Variants in ABCA1 observed in about 807,000 individuals in gnomAD.
ABCA1 encodes the protein ATP binding cassette subfamily A member 1, also known as phospholipid-transporting ATPase ABCA1.
Under a neutral mutation model 262.5 loss-of-function variants are expected in ABCA1, and 133 were observed. That is an observed-to-expected ratio of 0.51 (90% confidence interval 0.44 to 0.59). The LOEUF (loss-of-function observed/expected upper bound fraction) is 0.59, where lower values mean the gene tolerates loss of function less well. Ranked by LOEUF, ABCA1 falls within the 20% of genes least tolerant of loss-of-function variation. ABCA1 has a pLI of 0.00. For synonymous variants in ABCA1, 1,022 were observed against 1,043.5 expected (o/e 0.98, Z 0.40); for missense variants, 2,452 against 2,777.5 (o/e 0.88, Z 2.63).
chr9:104,846,785 C>T (rs976664687), intron 7 of ABCA1, among the ~76,000 whole-genome samples: 12 of 152,160 alleles, frequency 7.9e-5, no homozygotes, highest in African/African-American at 2.2e-4. Flanking sequence ...GGGACCTACG[C>T]GGTCTCCCTT....
chr9:104,925,826 G>C (rs989925669), intron 1 of ABCA1, among the ~76,000 whole-genome samples: 1 of 152,048 alleles, frequency 6.6e-6, no homozygotes, highest in African/African-American at 2.4e-5. Flanking sequence ...CTCTGATTTA[G>C]GAGAAAGTTT....
intron 5 of ABCA1, among the ~76,000 whole-genome samples, chr9:104,871,464 CA>C (rs1487689595): frequency 6.6e-6 from 1 of 152,152 alleles, no homozygotes; most frequent in Non-Finnish European, 1.5e-5. Context: ...AGAGCCAGTG[CA>C]GCCCCAGAGG....
chr9:104,894,248 G>A (rs545774872), intron 2 of ABCA1, among the ~76,000 whole-genome samples: 1 of 152,274 alleles, frequency 6.6e-6, no homozygotes, highest in East Asian at 1.9e-4. Context: ...TTATGTTCCT[G>A]GATATCTCTG....
chr9:104,904,491 T>C (rs2575877), intron 1 of ABCA1, among the ~76,000 whole-genome samples: 94,297 of 150,240 alleles, frequency 0.63, 30,611 homozygotes, highest in East Asian at 0.82. Context: ...TCGCTGAACC[T>C]GGCAGGCGGA....
At chr9:104,894,595 A>G (rs1235969880) in intron 2 of ABCA1, among the ~76,000 whole-genome samples, 2 of 152,206 alleles carry the variant, frequency 1.3e-5, no homozygotes, top group Admixed American at 6.5e-5. Context: ...GAGTTAATAC[A>G]CTGCCCAATG....
At chr9:104,920,462 T>C (rs754925254) in intron 1 of ABCA1, among the ~76,000 whole-genome samples, 5 of 152,198 alleles carry the variant, frequency 3.3e-5, no homozygotes, top group Non-Finnish European at 7.3e-5. Flanking sequence ...GGGATATCAA[T>C]GCAAGTAACA....
intron 5 of ABCA1, among the ~76,000 whole-genome samples, 153 bp from the exon 6 acceptor site, chr9:104,861,953 G>A (rs988133144): frequency 3.3e-5 from 5 of 151,724 alleles, no homozygotes; most frequent in Admixed American, 6.6e-5. Flanking sequence ...GGGGAGCATC[G>A]CCATATCAGG....
At position 104,864,421 on chromosome 9, in the gene ABCA1, G is replaced by GT. The variant is rs201873960; in HGVS notation, c.422-2622dup. ...GAAACAGGAAGGAAGGTGTAAGCTG[G>GT]TGTCTTCAGTTGAGGACTGGTGTGA... On this transcript the variant is annotated intron_variant, in intron 5 of 49. Coordinates refer to ENST00000374736, the MANE Select transcript of ABCA1 (RefSeq NM_005502.4). Among the ~76,000 whole-genome samples the GT allele has an allele frequency of 6.2e-3, 941 of 152,176 alleles. 8 individuals are homozygous for GT. The highest frequency in any genetic ancestry group is 0.017 in the Middle Eastern group (5 of 294).
chr9:104,800,039 G>C (rs549539318), intron 35 of ABCA1, 51 bp from the exon 36 acceptor site: 1 of 1,605,666 alleles, frequency 6.2e-7, no homozygotes, highest in African/African-American at 1.3e-5. Flanking sequence ...CCGGGCTCCT[G>C]CAGGCAGGTG....
At chr9:104,799,519 T>A (rs1830160894) in intron 36 of ABCA1, 20 of 982,378 alleles carry the variant, frequency 2.0e-5, no homozygotes, top group Non-Finnish European at 2.4e-5. Context: ...CAAATCAAAC[T>A]GATTAAACAC....
In ABCA1 at chr9:104,810,868, T is replaced by C. The variant is rs566599352; in HGVS notation, c.4107A>G (p.Pro1369=). 6 of 1,614,004 alleles carry C rather than the reference T, an allele frequency of 3.7e-6. No individual in the cohort carries two copies. In the South Asian group the frequency reaches 5.5e-5, roughly 15 times the overall value. The stretch of plus-strand genomic sequence containing the variant: ...CCAGGCTGGGGTACTTGCCAAAGGG[T>C]GGCACGATCAGGCTGAACACAAGGG... ...CIALVFSLIV[P]PFGKYPSLEL... The change falls in exon 29 of 50, where the codon CCA becomes CCG. Residue 1369 remains proline, a synonymous_variant. Transcript: ENST00000374736.
intron 1 of ABCA1, among the ~76,000 whole-genome samples, chr9:104,925,036 C>G (rs556775019): frequency 3.9e-5 from 6 of 152,290 alleles, no homozygotes; most frequent in African/African-American, 1.4e-4. Context: ...TTTTCCAATC[C>G]TGCACTAATG....
chr9:104,917,282 T>C (rs1841901403), intron 1 of ABCA1, among the ~76,000 whole-genome samples: 1 of 152,186 alleles, frequency 6.6e-6, no homozygotes, highest in Non-Finnish European at 1.5e-5. Context: ...GGGGCTAATA[T>C]AATAATAGGC....
At chr9:104,803,236 A>C in intron 33 of ABCA1, 48 bp downstream of exon 33, 1 of 1,603,844 alleles carries the variant, frequency 6.2e-7, no homozygotes, top group Admixed American at 1.7e-5. Flanking sequence ...GACACCTACA[A>C]CACCATCCTC....
At chr9:104,785,229 C>T (rs372932243) in intron 49 of ABCA1, among the ~76,000 whole-genome samples, 167 bp downstream of exon 49, 10 of 152,266 alleles carry the variant, frequency 6.6e-5, no homozygotes, top group East Asian at 3.9e-4. Context: ...GGCATCATCT[C>T]CCTTTTCAGG....
chr9:104,813,113 C>T (rs1831426337), intron 27 of ABCA1, among the ~76,000 whole-genome samples: 1 of 152,238 alleles, frequency 6.6e-6, no homozygotes, highest in Non-Finnish European at 1.5e-5. Flanking sequence ...TGGCAATTAG[C>T]ATCTCAGCTT....
Position 104,810,931 on chromosome 9 carries a change from C to G in ABCA1, c.4051-7G>C. On this transcript the variant is annotated splice_region_variant and splice_polypyrimidine_tract_variant and intron_variant, in intron 28 of 49. Coordinates refer to ENST00000374736, the MANE Select transcript of ABCA1 (RefSeq NM_005502.4). Reference sequence around the variant, plus strand: ...ACACAGCTGGCAAGACAATCTTTACCCAGGCAGTGGAGGGGGCAGGGGGAC... The same window carrying G: ...ACACAGCTGGCAAGACAATCTTTACGCAGGCAGTGGAGGGGGCAGGGGGAC... 6.2e-7 allele frequency: 1 copy of G among 1,614,124 alleles called. No homozygotes were observed. The highest frequency in any genetic ancestry group is 1.7e-4 in the Middle Eastern group (1 of 6,056).
intron 7 of ABCA1, among the ~76,000 whole-genome samples, chr9:104,853,167 C>A (rs1423504218): frequency 1.3e-5 from 2 of 152,216 alleles, no homozygotes; most frequent in Non-Finnish European, 2.9e-5. Flanking sequence ...GCTAGGCACA[C>A]TGGAAGACAC....
At chr9:104,823,888 C>A (rs1239871495) in intron 18 of ABCA1, among the ~76,000 whole-genome samples, 3 of 152,134 alleles carry the variant, frequency 2.0e-5, no homozygotes, top group African/African-American at 7.2e-5. Context: ...ACAGAAGAGA[C>A]TGGCAGAAAA....
Sources: gnomAD v4.1 joint callset for allele counts (sites outside exome capture counted in the v4.1 genomes callset) on GRCh38, gnomAD v4.1.1 for gene constraint, MANE v1.5 for transcripts, NCBI Gene and HGNC (gene_info 2026-07-23, HGNC 2026-07-21) for gene names.